Variants in PACS1 observed in about 807,000 individuals in gnomAD.
The protein encoded by PACS1 is PACS-1.
Under a neutral mutation model 115.0 loss-of-function variants are expected in PACS1, and 24 were observed. The ratio of observed to expected loss-of-function variants is 0.21; its 90% CI spans 0.15 to 0.29. The LOEUF is 0.29. Among genes scored for constraint, PACS1 ranks in the 10% least tolerant of loss-of-function variants. The probability of loss-of-function intolerance (pLI) is 1.00; values close to 1 mark genes in which losing one functional copy is unlikely to be tolerated. For synonymous variants in PACS1, 453 were observed against 504.5 expected (o/e 0.90, Z 1.37); for missense variants, 838 against 1,251.2 (o/e 0.67, Z 4.98).
chr11:66,189,727 C>T (rs1383205314), intron 1 of PACS1, among the ~76,000 whole-genome samples: 1 of 152,218 alleles, frequency 6.6e-6, no homozygotes, highest in Non-Finnish European at 1.5e-5. Flanking sequence ...TGAGTTTATT[C>T]AGCAGCCACA....
Position 66,201,503 on chromosome 11 carries a change from G to T in PACS1, c.444+7930G>T, listed in dbSNP as rs555891713. 4.0e-5 allele frequency among the ~76,000 whole-genome samples: 6 copies of T among 151,724 alleles called. No individual in the cohort carries two copies. The South Asian group carries it at 1.0e-3, about 26-fold the overall frequency. ...AGTGCCTACATCAAAAAAGAAGAAA[G>T]ACTTCAAATAAACAACTTAATGATG... On this transcript the variant is annotated intron_variant, in intron 2 of 23. Transcript: ENST00000320580.
At chr11:66,105,504 A>G (rs183001331) in intron 1 of PACS1, among the ~76,000 whole-genome samples, 50 of 152,328 alleles carry the variant, frequency 3.3e-4, no homozygotes, top group African/African-American at 1.1e-3. Context: ...TCGTAGGCAC[A>G]CTGCCTCCCT....
At position 66,098,812 on chromosome 11, in the gene PACS1, A is replaced by G. The variant is rs1590742779; in HGVS notation, c.356+27970A>G. On this transcript the variant is annotated intron_variant, in intron 1 of 23. Coordinates refer to ENST00000320580, the MANE Select transcript of PACS1 (RefSeq NM_018026.4). ...TCCTGTAGGGTGATTGGCAAGGCGG[A>G]TCTTATAGTATTTCCTTATGACCAA... is the stretch of plus-strand genomic sequence containing the variant. Among the ~76,000 whole-genome samples, 3 of 152,040 alleles carry G rather than the reference A, an allele frequency of 2.0e-5. No homozygotes were observed. The East Asian group carries it at 5.8e-4, about 29-fold the overall frequency.
At chr11:66,138,828 A>G (rs1277792329) in intron 1 of PACS1, among the ~76,000 whole-genome samples, 1 of 151,842 alleles carries the variant, frequency 6.6e-6, no homozygotes, top group Non-Finnish European at 1.5e-5. Context: ...GACTACAGAC[A>G]TGCGCCACCA....
At chr11:66,229,922 G>A (rs955032949) in intron 11 of PACS1, among the ~76,000 whole-genome samples, 5 of 150,070 alleles carry the variant, frequency 3.3e-5, no homozygotes, top group African/African-American at 9.9e-5. Flanking sequence ...GTGCCACTGC[G>A]CTCCAACCTA....
intron 10 of PACS1, among the ~76,000 whole-genome samples, chr11:66,226,834 C>CT (rs1855478069): frequency 1.3e-5 from 2 of 152,186 alleles, no homozygotes; most frequent in African/African-American, 4.8e-5. Context: ...CTGCTGGTGA[C>CT]TTTGAGTTGC....
chr11:66,182,942 C>A (rs1860041066), intron 1 of PACS1, among the ~76,000 whole-genome samples: 2 of 152,104 alleles, frequency 1.3e-5, no homozygotes, highest in Non-Finnish European at 2.9e-5. Flanking sequence ...CCAGCCTGGG[C>A]AACATGGTGA....
At chr11:66,129,433 A>C (rs571636654) in intron 1 of PACS1, among the ~76,000 whole-genome samples, 9 of 144,334 alleles carry the variant, frequency 6.2e-5, no homozygotes. Flanking sequence ...CTCCATATCA[A>C]AAAAAAAAAA....
chr11:66,081,762 T>C (rs927299462), intron 1 of PACS1, among the ~76,000 whole-genome samples: 1 of 152,236 alleles, frequency 6.6e-6, no homozygotes, highest in Non-Finnish European at 1.5e-5. Context: ...AGCCCTGGTT[T>C]GGCAGCAGAA....
intron 3 of PACS1, among the ~76,000 whole-genome samples, chr11:66,210,768 A>G (rs764201239): frequency 1.3e-5 from 2 of 152,222 alleles, no homozygotes; most frequent in African/African-American, 4.8e-5. Context: ...CTGTGCCACC[A>G]TCAGCCTCCA....
intron 4 of PACS1, among the ~76,000 whole-genome samples, chr11:66,215,908 TAATAATA>T (rs1460918267): frequency 1.0e-5 from 1 of 99,376 alleles, no homozygotes; most frequent in East Asian, 2.8e-4. Flanking sequence ...TCAAAAATAA[TAATAATA>T]ATAATAATAA....
chr11:66,114,647 A>G (rs551340216), intron 1 of PACS1, among the ~76,000 whole-genome samples: 22 of 152,128 alleles, frequency 1.4e-4, no homozygotes, highest in Non-Finnish European at 2.9e-4. Context: ...TTATTTAGTT[A>G]TATAATTATT....
At chr11:66,131,451 T>G (rs886238176) in intron 1 of PACS1, among the ~76,000 whole-genome samples, 2 of 152,224 alleles carry the variant, frequency 1.3e-5, no homozygotes, top group African/African-American at 2.4e-5. Context: ...GAGTTTCTTA[T>G]ATATTGTAGC....
rs1855695199 is a variant in PACS1 at position 66,235,949 on chromosome 11, T to A, written c.2250+9T>A. 6.2e-7 allele frequency: 1 copy of A among 1,612,718 alleles called. No individual in the cohort carries two copies. The highest frequency in any genetic ancestry group is 1.1e-5 in the South Asian group (1 of 91,068). On this transcript the variant is annotated intron_variant, in intron 19 of 23. Transcript: ENST00000320580. This position sits in a 1 kb window ranked among gnomAD's most constrained non-coding sequence, Gnocchi z 5.6. ...TTATTCCCTTCATTGGCGTGAGTAC[T>A]GACTCCCTCTGCTTGGCACCCCACC... is the stretch of plus-strand genomic sequence containing the variant.
chr11:66,215,761 G>A (rs960983542), intron 4 of PACS1, among the ~76,000 whole-genome samples: 16 of 151,806 alleles, frequency 1.1e-4, no homozygotes, highest in South Asian at 2.1e-4. Flanking sequence ...TTAGCTGAGC[G>A]TGGTGGCAGA....
chr11:66,092,647 T>C (rs1439146711), intron 1 of PACS1, among the ~76,000 whole-genome samples: 2 of 152,238 alleles, frequency 1.3e-5, no homozygotes, highest in African/African-American at 4.8e-5. Flanking sequence ...AAGGTTTTTA[T>C]GGTTTTAGGT....
Position 66,154,767 on chromosome 11 carries a change from C to G in PACS1, c.357-38719C>G, listed in dbSNP as rs567707984. On this transcript the variant is annotated intron_variant, in intron 1 of 23. Coordinates refer to ENST00000320580, the MANE Select transcript of PACS1 (RefSeq NM_018026.4). ...CATAATCAATTTTCTACAAATTCAT[C>G]TGTAGATTCAATACATTCTCAATCA... is the stretch of plus-strand genomic sequence containing the variant. 7.2e-5 allele frequency among the ~76,000 whole-genome samples: 11 copies of G among 152,248 alleles called. No individual in the cohort carries two copies. The East Asian group carries it at 2.1e-3, about 29-fold the overall frequency.
chr11:66,149,852 C>A (rs1001328214), intron 1 of PACS1, among the ~76,000 whole-genome samples: 1 of 152,066 alleles, frequency 6.6e-6, no homozygotes, highest in African/African-American at 2.4e-5. Flanking sequence ...CAGGTTCAAG[C>A]AATTCTCCTG....
chr11:66,225,779 C>T (rs1003586675), intron 10 of PACS1, among the ~76,000 whole-genome samples: 3 of 152,182 alleles, frequency 2.0e-5, no homozygotes, highest in Admixed American at 6.5e-5. Flanking sequence ...CTTTAAAACG[C>T]GTTTAATTAA....
Sources: gnomAD v4.1 joint callset for allele counts (sites outside exome capture counted in the v4.1 genomes callset) on GRCh38, gnomAD v4.1.1 for gene constraint, Gnocchi (gnomAD v3.1) non-coding constraint, MANE v1.5 for transcripts, NCBI Gene and HGNC (gene_info 2026-07-23, HGNC 2026-07-21) for gene names.